The following PPOX variants were observed in gnomAD, a reference collection of about 807,000 sequenced individuals.
PPOX encodes the protein protoporphyrinogen oxidase, also known as variegate porphyria.
In PPOX, 23 loss-of-function variants were observed where a neutral mutation model predicts 54.1. That is an observed-to-expected ratio of 0.43 (90% CI 0.31 to 0.60). PPOX has a LOEUF of 0.60. PPOX is among the 20% of genes least tolerant of loss of function. PPOX has a pLI of 0.13. For synonymous variants in PPOX, 224 were observed against 236.1 expected (o/e 0.95, Z 0.47); for missense variants, 512 against 601.1 (o/e 0.85, Z 1.55).
intron 7 of PPOX, 22 bp from the exon 8 acceptor site, chr1:161,169,638 T>C: frequency 1.9e-6 from 3 of 1,612,448 alleles, no homozygotes; most frequent in Admixed American, 1.7e-5. Flanking sequence ...TCTGGGTCTC[T>C]CAAATGTTTT....
chr1:161,170,702 A>G lies in PPOX; in HGVS notation c.1181A>G (p.Gln394Arg). The G allele has an allele frequency of 6.2e-7, 1 of 1,614,182 alleles. No individual in the cohort carries two copies. The highest frequency in any genetic ancestry group is 1.1e-5 in the South Asian group (1 of 91,088). ...LSQELFQQRA[Q>R]EAAATQLGLK... is the part of the protein sequence containing the mutation. ...CAGGAGCTGTTTCAACAGCGGGCCCAGGAAGCAGCTGCTACACAATTAGGA... is the reference window on the plus strand; with the variant it reads ...CAGGAGCTGTTTCAACAGCGGGCCCGGGAAGCAGCTGCTACACAATTAGGA... The change falls in exon 11 of 13, where the codon CAG becomes CGG. Residue 394 changes from glutamine (Q) to arginine (R), a missense_variant. Gln to Arg is a conservative substitution (Grantham distance 43). Transcript: ENST00000367999.
intron 4 of PPOX, 198 bp downstream of exon 4, chr1:161,167,684 C>A: frequency 1.2e-6 from 1 of 821,254 alleles, no homozygotes; most frequent in South Asian, 1.8e-5. Flanking sequence ...CCTGCCTCAG[C>A]CTCCCGAGTA....
chr1:161,172,302 C>T (rs1396340512), downstream of PPOX: 3 of 1,613,770 alleles, frequency 1.9e-6, no homozygotes, highest in Non-Finnish European at 2.5e-6. Context: ...TGTGGGGGGC[C>T]GAGAGATCTT....
upstream of PPOX, chr1:161,166,289 C>G (rs916853191): frequency 2.0e-6 from 2 of 1,019,810 alleles, no homozygotes; most frequent in Non-Finnish European, 2.4e-6. Context: ...CACGGTTAAC[C>G]TCCAGCTCTT....
chr1:161,167,557 C>CT (rs397731347), intron 4 of PPOX, 71 bp downstream of exon 4: 51,782 of 541,264 alleles, frequency 0.096, 1,248 homozygotes, highest in African/African-American at 0.11. Context: ...TTCTTCTTTT[C>CT]TTTTTTTTTT....
At chr1:161,167,346 T>C (rs754600605) in intron 3 of PPOX, 25 bp from the exon 4 acceptor site, 15 of 1,613,996 alleles carry the variant, frequency 9.3e-6, no homozygotes, top group Admixed American at 8.3e-5. Flanking sequence ...TAGTTTCTCC[T>C]CTTCTGAGGG....
Position 161,170,040 on chromosome 1 carries a change from G to A in PPOX, c.987+16G>A, listed in dbSNP as rs185558102. ...GCCTGTCCAGGTATGATAAAGGGAC[G>A]GAGAGGCTGGGCATGGTGGCTCACA... On this transcript the variant is annotated intron_variant, in intron 9 of 12. Coordinates refer to ENST00000367999, the MANE Select transcript of PPOX (RefSeq NM_001122764.3). 1.5e-3 allele frequency: 2,487 copies of A among 1,605,624 alleles called. 65 individuals carry two copies. In the Admixed American group the frequency reaches 0.039, roughly 25 times the overall value.
chr1:161,169,833 G>A, intron 8 of PPOX, 73 bp from the exon 9 acceptor site: 2 of 1,614,084 alleles, frequency 1.2e-6, no homozygotes, highest in Non-Finnish European at 1.7e-6. Flanking sequence ...ATCTCTATGG[G>A]AGTCTAATCC....
chr1:161,173,358 G>A (rs1312448103), downstream of PPOX, among the ~76,000 whole-genome samples: 1 of 152,154 alleles, frequency 6.6e-6, no homozygotes, highest in Non-Finnish European at 1.5e-5. Context: ...GGAATCCGAC[G>A]ATACTATTTC....
chr1:161,177,029 G>A, exon 5 of PPOX: 1 of 1,536,056 alleles, frequency 6.5e-7, no homozygotes, highest in Non-Finnish European at 8.7e-7. Context: ...GAGCTCGGCG[G>A]AGAGTAGGGT....
At chr1:161,170,321 T>TGGGGGGGCCCCCCC in intron 9 of PPOX, 88 bp from the exon 10 acceptor site, 1 of 367,760 alleles carries the variant, frequency 2.7e-6, no homozygotes. Flanking sequence ...TGAGACTCTG[T>TGGGGGGGCCCCCCC]CCCCCCCACC....
intron 7 of PPOX, 132 bp from the exon 8 acceptor site, chr1:161,169,528 T>C (rs1660390579): frequency 1.1e-6 from 1 of 946,066 alleles, no homozygotes; most frequent in South Asian, 1.3e-5. Flanking sequence ...ACCCAATCTC[T>C]TCATCCTGGG....
intron 7 of PPOX, 150 bp from the exon 8 acceptor site, chr1:161,169,510 A>G: frequency 2.4e-6 from 2 of 844,986 alleles, no homozygotes; most frequent in Non-Finnish European, 4.0e-6. Flanking sequence ...TGTGAAGTCT[A>G]CATAGTCACC....
At chr1:161,177,273 G>C (rs1236254964), downstream of PPOX, 1 of 591,676 alleles carries the variant, frequency 1.7e-6, no homozygotes, top group Non-Finnish European at 3.0e-6. Context: ...TACTAGCAAC[G>C]TGAGCCCGCC....
chr1:161,176,900 C>G (rs1663759639), exon 5 of PPOX: 1 of 1,536,188 alleles, frequency 6.5e-7, no homozygotes, highest in East Asian at 2.4e-5. Flanking sequence ...CGTGGAGTGG[C>G]CTAAGGAGTA....
At chr1:161,170,336 CAAA>C in intron 9 of PPOX, 70 bp from the exon 10 acceptor site, 1 of 807,676 alleles carries the variant, frequency 1.2e-6, no homozygotes, top group Non-Finnish European at 2.0e-6. Flanking sequence ...CCCACCCCCC[CAAA>C]AAAATGGGAA....
chr1:161,175,721 T>C, downstream of PPOX: 1 of 1,550,822 alleles, frequency 6.4e-7, no homozygotes, highest in Non-Finnish European at 8.7e-7. Context: ...AAGTTCCACT[T>C]CTGCCACTCC....
At chr1:161,173,577 G>C (rs1173848145), downstream of PPOX, 1 of 1,612,942 alleles carries the variant, frequency 6.2e-7, no homozygotes, top group African/African-American at 1.3e-5. Flanking sequence ...ACTGGGGTCA[G>C]GAGGGAGGAA....
chr1:161,176,749 A>C, intron 4 of PPOX: 1 of 901,948 alleles, frequency 1.1e-6, no homozygotes, highest in Non-Finnish European at 1.7e-6. Flanking sequence ...TGGAATGATA[A>C]GTGTCAGGTT....
Sources: gnomAD v4.1 joint callset for allele counts (sites outside exome capture counted in the v4.1 genomes callset) on GRCh38, gnomAD v4.1.1 for gene constraint, MANE v1.5 for transcripts, NCBI Gene and HGNC (gene_info 2026-07-23, HGNC 2026-07-21) for gene names.